Variants in CACNA2D3 observed in about 807,000 individuals in gnomAD.
The protein encoded by CACNA2D3 is voltage-dependent calcium channel subunit alpha-2/delta-3.
In CACNA2D3, 60 loss-of-function variants were observed where a neutral mutation model predicts 160.6. The observed-to-expected ratio is 0.37, with a 90% CI of 0.30 to 0.46. The LOEUF (loss-of-function observed/expected upper bound fraction) is 0.46, where lower values mean the gene tolerates loss of function less well. Among genes scored for constraint, CACNA2D3 ranks in the 20% least tolerant of loss-of-function variants. CACNA2D3 has a pLI of 1.00. For synonymous variants in CACNA2D3, 558 were observed against 492.9 expected (o/e 1.13, Z -1.75); for missense variants, 1,205 against 1,365.0 (o/e 0.88, Z 1.85).
intron 4 of CACNA2D3, among the ~76,000 whole-genome samples, chr3:54,467,501 G>C (rs1224603513): frequency 1.3e-5 from 2 of 152,196 alleles, no homozygotes; most frequent in African/African-American, 4.8e-5. Context: ...GTGAGACTTA[G>C]GGCAAGTTGC....
chr3:54,130,644 C>T (rs1699688171), intron 2 of CACNA2D3, among the ~76,000 whole-genome samples: 2 of 152,208 alleles, frequency 1.3e-5, no homozygotes, highest in Admixed American at 1.3e-4. Context: ...AGAACTGAAG[C>T]AGCCTCCCCA....
chr3:54,912,933 T>G (rs1261662292), intron 27 of CACNA2D3, among the ~76,000 whole-genome samples: 1 of 152,076 alleles, frequency 6.6e-6, no homozygotes, highest in Non-Finnish European at 1.5e-5. Context: ...TCAGATACCC[T>G]ACATACAGGA....
At chr3:54,562,455 C>CGGGG (rs1702341373) in intron 5 of CACNA2D3, among the ~76,000 whole-genome samples, 1 of 152,058 alleles carries the variant, frequency 6.6e-6, no homozygotes, top group Admixed American at 6.6e-5. Context: ...GGGGGAAAAG[C>CGGGG]AGGAAAATAA....
intron 2 of CACNA2D3, among the ~76,000 whole-genome samples, chr3:54,139,183 C>T (rs1381682184): frequency 6.6e-6 from 1 of 152,260 alleles, no homozygotes; most frequent in Non-Finnish European, 1.5e-5. Flanking sequence ...TGGTGCGTTC[C>T]ACCATGAGAT....
At chr3:54,547,214 A>C (rs923263610) in intron 5 of CACNA2D3, among the ~76,000 whole-genome samples, 1 of 152,218 alleles carries the variant, frequency 6.6e-6, no homozygotes, top group Non-Finnish European at 1.5e-5. Flanking sequence ...GGAAGTTGGC[A>C]TAATTCCTAG....
intron 31 of CACNA2D3, among the ~76,000 whole-genome samples, chr3:54,995,669 CATACA>C (rs1702840168): frequency 6.6e-6 from 1 of 152,206 alleles, no homozygotes; most frequent in African/African-American, 2.4e-5. Context: ...AGCAGCCTCC[CATACA>C]ATACTTGTGC....
chr3:54,194,153 G>A (rs1222047280), intron 2 of CACNA2D3, among the ~76,000 whole-genome samples: 3 of 152,124 alleles, frequency 2.0e-5, no homozygotes, highest in Non-Finnish European at 4.4e-5. Context: ...ATGTTCTAAT[G>A]TTAGGAGAGT....
intron 27 of CACNA2D3, among the ~76,000 whole-genome samples, chr3:54,922,187 A>G (rs1416802459): frequency 2.6e-5 from 4 of 152,116 alleles, no homozygotes; most frequent in African/African-American, 9.7e-5. Flanking sequence ...ACTTAAAACT[A>G]TCAGTTTCCC....
At chr3:54,152,097 A>G (rs1700162446) in intron 2 of CACNA2D3, among the ~76,000 whole-genome samples, 1 of 152,186 alleles carries the variant, frequency 6.6e-6, no homozygotes, top group African/African-American at 2.4e-5. Context: ...TGCTGATCCA[A>G]GATTGACTTG....
intron 2 of CACNA2D3, among the ~76,000 whole-genome samples, chr3:54,263,554 T>C (rs949271970): frequency 2.0e-5 from 3 of 152,184 alleles, no homozygotes; most frequent in African/African-American, 7.2e-5. Context: ...CAAGATCTGT[T>C]GGTTCTCTTA....
In CACNA2D3 at chr3:55,004,346, T is replaced by G. The variant is rs555023971; in HGVS notation, c.2691-417T>G. On this transcript the variant is annotated intron_variant, in intron 31 of 37. Coordinates refer to ENST00000474759, the MANE Select transcript of CACNA2D3 (RefSeq NM_018398.3). ...AAGAAACACAGAATCCTGCCATGCT[T>G]TATCCCAAAGTGGTTCTTCTTAGTT... 7.2e-5 allele frequency among the ~76,000 whole-genome samples: 11 copies of G among 152,336 alleles called. No homozygotes were observed. In the South Asian group the frequency reaches 1.9e-3, roughly 26 times the overall value.
At chr3:54,331,483 G>A (rs1467179741) in intron 3 of CACNA2D3, among the ~76,000 whole-genome samples, 1 of 152,120 alleles carries the variant, frequency 6.6e-6, no homozygotes, top group Non-Finnish European at 1.5e-5. Flanking sequence ...AAAGCCAGCT[G>A]GAGTCATTGC....
At chr3:54,867,625 C>A (rs1699433581) in intron 17 of CACNA2D3, among the ~76,000 whole-genome samples, 2 of 151,870 alleles carry the variant, frequency 1.3e-5, no homozygotes, top group Admixed American at 6.6e-5. Context: ...CAGCCTGATC[C>A]AGGTGCACAC....
At chr3:54,886,153 C>T (rs950720824) in intron 23 of CACNA2D3, among the ~76,000 whole-genome samples, 3 of 32,768 alleles carry the variant, frequency 9.2e-5, no homozygotes, top group Non-Finnish European at 1.0e-4. Context: ...CAGGAACAGA[C>T]CCTATACTCT....
intron 5 of CACNA2D3, among the ~76,000 whole-genome samples, chr3:54,534,702 T>C (rs1701860157): frequency 6.6e-6 from 1 of 151,930 alleles, no homozygotes; most frequent in Non-Finnish European, 1.5e-5. Flanking sequence ...GCTAGAGGAT[T>C]GCTTGAGCCC....
intron 27 of CACNA2D3, among the ~76,000 whole-genome samples, chr3:54,936,929 G>C (rs1000187815): frequency 6.6e-6 from 1 of 152,096 alleles, no homozygotes; most frequent in African/African-American, 2.4e-5. Context: ...TCACTGCTAC[G>C]GCTGATGTTT....
intron 21 of CACNA2D3, among the ~76,000 whole-genome samples, chr3:54,883,746 A>C (rs1365602664): frequency 6.9e-6 from 1 of 145,746 alleles, no homozygotes; most frequent in African/African-American, 2.5e-5. Flanking sequence ...TCCTTTCCTC[A>C]TTCAGGTCAC....
At chr3:54,999,857 T>A (rs1269113942) in intron 31 of CACNA2D3, among the ~76,000 whole-genome samples, 1 of 152,228 alleles carries the variant, frequency 6.6e-6, no homozygotes, top group Admixed American at 6.5e-5. Context: ...CATGTCTTAA[T>A]GTCATGAGTT....
At chr3:54,791,314 GTGT>G (rs1255799246) in intron 13 of CACNA2D3, among the ~76,000 whole-genome samples, 2 of 152,192 alleles carry the variant, frequency 1.3e-5, no homozygotes, top group African/African-American at 4.8e-5. Flanking sequence ...TTCCCAGAGG[GTGT>G]AAGAACCACC....
Sources: gnomAD v4.1 joint callset for allele counts (sites outside exome capture counted in the v4.1 genomes callset) on GRCh38, gnomAD v4.1.1 for gene constraint, MANE v1.5 for transcripts, NCBI Gene and HGNC (gene_info 2026-07-23, HGNC 2026-07-21) for gene names.